Variants in TMEM232 observed in about 807,000 individuals in gnomAD.
TMEM232 encodes transmembrane protein 232.
TMEM232 carries 80 observed loss-of-function variants against 78.8 expected under a neutral mutation model. The ratio of observed to expected loss-of-function variants is 1.01; its 90% CI spans 0.85 to 1.22. TMEM232 has a LOEUF of 1.22. Ranked by LOEUF, TMEM232 falls within the 50% of genes most tolerant of loss-of-function variation. TMEM232 has a pLI of 0.00. For missense variants in TMEM232, 881 were observed against 742.2 expected, an observed-to-expected ratio of 1.19 and a Z score of -2.17; for synonymous variants, 297 against 254.3, an observed-to-expected ratio of 1.17 and a Z score of -1.60.
At chr5:110,540,870 T>G (rs187367365) in intron 11 of TMEM232, among the ~76,000 whole-genome samples, 1 of 152,288 alleles carries the variant, frequency 6.6e-6, no homozygotes, top group Non-Finnish European at 1.5e-5. Context: ...AACACTCTCC[T>G]ATAAAGCATG....
At chr5:110,553,382 C>T (rs916581511) in intron 11 of TMEM232, among the ~76,000 whole-genome samples, 2 of 151,910 alleles carry the variant, frequency 1.3e-5, no homozygotes, top group Non-Finnish European at 2.9e-5. Context: ...CTTTGCCATT[C>T]ATCTCATTTC....
At chr5:110,487,342 A>T (rs1246681690) in intron 12 of TMEM232, among the ~76,000 whole-genome samples, 2 of 151,924 alleles carry the variant, frequency 1.3e-5, no homozygotes, top group East Asian at 3.9e-4. Flanking sequence ...ACTTCCAGTA[A>T]TATGTTGAAG....
At chr5:110,458,286 T>C (rs1761112192) in intron 12 of TMEM232, among the ~76,000 whole-genome samples, 1 of 152,112 alleles carries the variant, frequency 6.6e-6, no homozygotes, top group Non-Finnish European at 1.5e-5. Context: ...TTTTGTTTTT[T>C]TTTCAGGTTG....
In TMEM232 at chr5:110,718,320, T is replaced by G. The variant is rs546847041; in HGVS notation, c.-13+8307A>C. On this transcript the variant is annotated intron_variant, in intron 1 of 13. Transcript: ENST00000455884. Reference sequence around the variant, plus strand: ...AGAACTGTATCCATACCAGGATTATTATGAAGTTTTCAAAACAGAATACAT... The same window carrying G: ...AGAACTGTATCCATACCAGGATTATGATGAAGTTTTCAAAACAGAATACAT... 3.9e-5 allele frequency among the ~76,000 whole-genome samples: 6 copies of G among 152,270 alleles called. No homozygotes were observed. The South Asian group carries it at 1.2e-3, about 32-fold the overall frequency.
chr5:110,729,878 T>C (rs1218469172), upstream of TMEM232, among the ~76,000 whole-genome samples: 1 of 152,218 alleles, frequency 6.6e-6, no homozygotes, highest in African/African-American at 2.4e-5. Context: ...TTCTGTTATC[T>C]TCAACCAAAG....
At chr5:110,509,907 C>T (rs764579067) in intron 12 of TMEM232, among the ~76,000 whole-genome samples, 40 of 152,112 alleles carry the variant, frequency 2.6e-4, no homozygotes, top group Non-Finnish European at 4.6e-4. Context: ...ATTACTATAT[C>T]ATATTTTAAG....
At chr5:110,539,131 C>T (rs1025480858) in intron 11 of TMEM232, among the ~76,000 whole-genome samples, 2 of 152,122 alleles carry the variant, frequency 1.3e-5, no homozygotes, top group Non-Finnish European at 2.9e-5. Context: ...ACAGGCTAAC[C>T]CACTGGCATG....
intron 2 of TMEM232, among the ~76,000 whole-genome samples, chr5:110,661,652 T>G (rs1165315314): frequency 6.6e-6 from 1 of 152,200 alleles, no homozygotes; most frequent in Non-Finnish European, 1.5e-5. Flanking sequence ...TCCCTTCTTT[T>G]GGGCACATAT....
intron 11 of TMEM232, among the ~76,000 whole-genome samples, chr5:110,544,686 T>C (rs1397658474): frequency 2.0e-5 from 3 of 152,072 alleles, no homozygotes; most frequent in Non-Finnish European, 4.4e-5. Context: ...ATTTAACTTG[T>C]TTTTGAAAAT....
intron 10 of TMEM232, among the ~76,000 whole-genome samples, chr5:110,594,615 A>C (rs1779925687): frequency 6.6e-6 from 1 of 152,144 alleles, no homozygotes; most frequent in African/African-American, 2.4e-5. Flanking sequence ...ATCGAGCTTC[A>C]TGCGGGAAGG....
At chr5:110,656,379 A>G (rs566440892) in intron 2 of TMEM232, among the ~76,000 whole-genome samples, 1 of 152,302 alleles carries the variant, frequency 6.6e-6, no homozygotes, top group South Asian at 2.1e-4. Context: ...CTCAAGTTCC[A>G]CAACACAGCC....
intron 12 of TMEM232, among the ~76,000 whole-genome samples, chr5:110,468,102 G>GA (rs1368602044): frequency 7.5e-5 from 11 of 146,452 alleles, no homozygotes; most frequent in African/African-American, 2.5e-5. Flanking sequence ...TTCATTGGAA[G>GA]AAAAAAAAAG....
At chr5:110,736,589 T>C (rs146186585) in intron 1 of TMEM232, among the ~76,000 whole-genome samples, 92 of 152,232 alleles carry the variant, frequency 6.0e-4, no homozygotes, top group African/African-American at 1.9e-3. Context: ...TATAAACATC[T>C]TCACTCTAAA....
intron 10 of TMEM232, among the ~76,000 whole-genome samples, chr5:110,574,916 A>G (rs1420034587): frequency 1.3e-5 from 2 of 151,966 alleles, no homozygotes. Flanking sequence ...ATCAAACATG[A>G]GTGATGTCTT....
At chr5:110,678,785 C>A (rs181970608) in intron 1 of TMEM232, among the ~76,000 whole-genome samples, 13 of 152,014 alleles carry the variant, frequency 8.6e-5, no homozygotes, top group Non-Finnish European at 1.6e-4. Context: ...CACTATGTAG[C>A]CTTTTCAGAT....
intron 12 of TMEM232, among the ~76,000 whole-genome samples, chr5:110,431,199 A>G (rs981072597): frequency 6.6e-6 from 1 of 151,522 alleles, no homozygotes; most frequent in Non-Finnish European, 1.5e-5. Context: ...TGAGAAGGCT[A>G]AGAAGCCAAG....
intron 13 of TMEM232, among the ~76,000 whole-genome samples, 184 bp downstream of exon 13, chr5:110,424,639 C>A (rs1320371118): frequency 6.6e-6 from 1 of 151,398 alleles, no homozygotes; most frequent in Non-Finnish European, 1.5e-5. Context: ...AAATTTTCTG[C>A]AACCCAATGA....
chr5:110,710,379 C>G (rs1454649364), intron 1 of TMEM232, among the ~76,000 whole-genome samples: 1 of 151,994 alleles, frequency 6.6e-6, no homozygotes, highest in Non-Finnish European at 1.5e-5. Context: ...GAAGGAATAT[C>G]TCTAAACTCA....
chr5:110,647,454 A>G (rs1317253505), intron 2 of TMEM232, among the ~76,000 whole-genome samples: 1 of 151,998 alleles, frequency 6.6e-6, no homozygotes, highest in African/African-American at 2.4e-5. Flanking sequence ...GTCCATTAAT[A>G]TACCTCTTTA....
Sources: allele counts gnomAD v4.1 joint callset (sites outside exome capture counted in the v4.1 genomes callset), GRCh38; gene constraint gnomAD v4.1.1; transcripts MANE v1.5; gene names NCBI Gene and HGNC (gene_info 2026-07-23, HGNC 2026-07-21).